The following MTUS2 variants were observed in gnomAD, a reference collection of about 807,000 sequenced individuals.
MTUS2 encodes the protein microtubule associated scaffold protein 2, also known as microtubule-associated tumor suppressor candidate 2.
A neutral mutation model predicts 114.1 loss-of-function variants in MTUS2; 40 were observed. The observed-to-expected ratio is 0.35, with a 90% CI of 0.27 to 0.46. The LOEUF (loss-of-function observed/expected upper bound fraction) is 0.46. Among genes scored for constraint, MTUS2 ranks in the 20% least tolerant of loss-of-function variants. The probability of loss-of-function intolerance (pLI) is 1.00; values close to 1 mark genes in which losing one functional copy is unlikely to be tolerated. For synonymous variants in MTUS2, 688 were observed against 672.0 expected (o/e 1.02, Z -0.37); for missense variants, 1,679 against 1,705.4 (o/e 0.98, Z 0.27).
chr13:29,152,155 C>G (rs139413310), intron 5 of MTUS2, among the ~76,000 whole-genome samples: 1 of 151,904 alleles, frequency 6.6e-6, no homozygotes, highest in East Asian at 1.9e-4. Flanking sequence ...CACACTATAC[C>G]CAAATTAATA....
chr13:29,300,448 GT>G (rs1297751585), intron 6 of MTUS2, among the ~76,000 whole-genome samples: 9 of 152,158 alleles, frequency 5.9e-5, no homozygotes, highest in Non-Finnish European at 1.0e-4. Flanking sequence ...TTGGAGCTGA[GT>G]TTTCCATTGT....
chr13:28,843,990 T>G (rs574751937), intron 2 of MTUS2, among the ~76,000 whole-genome samples: 1 of 152,388 alleles, frequency 6.6e-6, no homozygotes, highest in South Asian at 2.1e-4. Flanking sequence ...ATACTCATAT[T>G]ATGTCAAAGG....
intron 10 of MTUS2, among the ~76,000 whole-genome samples, chr13:29,481,501 A>G (rs1454524193): frequency 6.6e-6 from 1 of 152,094 alleles, no homozygotes; most frequent in Non-Finnish European, 1.5e-5. Flanking sequence ...TGCTTAAGGT[A>G]AGTTGACATT....
At chr13:28,993,889 GTTTATTTTTATT>G (rs975049640) in intron 2 of MTUS2, among the ~76,000 whole-genome samples, 21 of 151,674 alleles carry the variant, frequency 1.4e-4, no homozygotes, top group Non-Finnish European at 2.4e-4. Context: ...TTATTTTAAT[GTTTATTTTTATT>G]TTTATTTTTT....
chr13:28,853,808 ATAACT>A (rs1360959109), intron 2 of MTUS2, among the ~76,000 whole-genome samples: 4 of 152,366 alleles, frequency 2.6e-5, no homozygotes, highest in East Asian at 3.9e-4. Flanking sequence ...AAAACAGATG[ATAACT>A]TAATACTACT....
At chr13:29,126,792 C>T (rs1891536343) in intron 5 of MTUS2, among the ~76,000 whole-genome samples, 1 of 152,142 alleles carries the variant, frequency 6.6e-6, no homozygotes, top group Non-Finnish European at 1.5e-5. Flanking sequence ...ATGTTGGGGT[C>T]CTGCGTCTCT....
intron 2 of MTUS2, among the ~76,000 whole-genome samples, chr13:28,919,157 C>T (rs1162239027): frequency 2.6e-5 from 4 of 152,040 alleles, no homozygotes; most frequent in Non-Finnish European, 5.9e-5. Context: ...GTGCTATTAC[C>T]AGTGAATTTC....
Position 28,839,788 on chromosome 13 carries a change from C to T in MTUS2, c.-305C>T, listed in dbSNP as rs1000492009. The T allele has an allele frequency of 1.3e-5, 2 of 152,120 alleles. No homozygotes were observed. Among genetic ancestry groups the T allele is most frequent in the African/African-American group, 2.4e-5 (1 of 41,434 alleles). The allele number at this position is 152,120 out of a possible 1,614,324, so 9.4% of individuals were successfully genotyped here. A position where few individuals can be genotyped will look rare whatever the true frequency, so the allele number is the denominator to read the frequency against. ...CTTTTTCTTTTTAAGGTTTCCACAG[C>T]TGGATTGTTTACTAGGGCCAATTGT... On this transcript the variant is annotated 5_prime_UTR_variant, in exon 2 of 16. Coordinates refer to ENST00000612955, the MANE Select transcript of MTUS2 (RefSeq NM_001033602.4).
intron 1 of MTUS2, among the ~76,000 whole-genome samples, chr13:28,829,769 A>G (rs1874533205): frequency 6.6e-6 from 1 of 152,238 alleles, no homozygotes. Flanking sequence ...AGTTGGGGTT[A>G]ACAAGAGGTT....
chr13:28,896,749 A>G (rs1019252481), intron 2 of MTUS2, among the ~76,000 whole-genome samples: 2 of 152,248 alleles, frequency 1.3e-5, no homozygotes, highest in Non-Finnish European at 2.9e-5. Flanking sequence ...ATAATGCTGC[A>G]TATCTACAAC....
In MTUS2 at chr13:29,138,829, C is replaced by T. The variant is rs528024742; in HGVS notation, c.2644+37859C>T. Among the ~76,000 whole-genome samples, 59 of 152,050 alleles carry T rather than the reference C, an allele frequency of 3.9e-4. 1 individual carries two copies. The highest frequency in any genetic ancestry group is 1.4e-3 in the African/African-American group (58 of 41,504). On this transcript the variant is annotated intron_variant, in intron 5 of 15. Transcript: ENST00000612955. ...GGCAGTTTTGCTGAAAATGAGCCACCACCATATGAATAATATTTTAGAATA... is the reference window on the plus strand; with the variant it reads ...GGCAGTTTTGCTGAAAATGAGCCACTACCATATGAATAATATTTTAGAATA...
chr13:29,344,054 A>T (rs929075466), intron 7 of MTUS2, among the ~76,000 whole-genome samples: 1 of 151,976 alleles, frequency 6.6e-6, no homozygotes, highest in Non-Finnish European at 1.5e-5. Flanking sequence ...ATTTATTGAG[A>T]CTTCTTTTGT....
intron 2 of MTUS2, among the ~76,000 whole-genome samples, chr13:28,944,918 A>G (rs538669774): frequency 2.6e-5 from 4 of 152,172 alleles, no homozygotes; most frequent in Non-Finnish European, 4.4e-5. Flanking sequence ...TAGTGCAACC[A>G]TCACCCGAAT....
chr13:28,901,510 A>G (rs1247267187), intron 2 of MTUS2, among the ~76,000 whole-genome samples: 2 of 152,212 alleles, frequency 1.3e-5, no homozygotes, highest in African/African-American at 4.8e-5. Context: ...TAAGTAGTCC[A>G]TGATCCTTTT....
At chr13:29,039,701 A>T (rs1210558536) in intron 4 of MTUS2, among the ~76,000 whole-genome samples, 1 of 152,234 alleles carries the variant, frequency 6.6e-6, no homozygotes, top group Non-Finnish European at 1.5e-5. Context: ...GTGAAAATGA[A>T]CACAATACAC....
chr13:28,996,023 G>C (rs755779114), intron 2 of MTUS2, among the ~76,000 whole-genome samples: 4 of 152,256 alleles, frequency 2.6e-5, no homozygotes, highest in Non-Finnish European at 4.4e-5. Flanking sequence ...GTATGATATT[G>C]GCAGTGGGTT....
chr13:28,856,911 G>A (rs1242304297), intron 2 of MTUS2, among the ~76,000 whole-genome samples: 3 of 151,722 alleles, frequency 2.0e-5, no homozygotes, highest in African/African-American at 4.8e-5. Flanking sequence ...AACCAAAAAA[G>A]CAAGACACTT....
chr13:29,236,957 A>C (rs909827314), intron 5 of MTUS2, among the ~76,000 whole-genome samples: 1 of 152,228 alleles, frequency 6.6e-6, no homozygotes, highest in African/African-American at 2.4e-5. Flanking sequence ...GAAAATAAAC[A>C]CAGAGAAAAG....
At position 28,905,448 on chromosome 13, in the gene MTUS2, A is replaced by G. The variant is rs920985642; in HGVS notation, c.-243+65598A>G. On this transcript the variant is annotated intron_variant, in intron 2 of 15. Transcript: ENST00000612955. ...CATCCCATCAATACCTCATTTATTGAGAGTTTTTAGCATGAAGGTTGTTGA... is the reference window on the plus strand; with the variant it reads ...CATCCCATCAATACCTCATTTATTGGGAGTTTTTAGCATGAAGGTTGTTGA... Among the ~76,000 whole-genome samples, 23 of 151,622 alleles carry G rather than the reference A, an allele frequency of 1.5e-4. 1 individual carries two copies. The highest frequency in any genetic ancestry group is 2.9e-4 in the Non-Finnish European group (20 of 67,962).
Sources: gnomAD v4.1 joint callset for allele counts (sites outside exome capture counted in the v4.1 genomes callset) on GRCh38, gnomAD v4.1.1 for gene constraint, MANE v1.5 for transcripts, NCBI Gene and HGNC (gene_info 2026-07-23, HGNC 2026-07-21) for gene names.